SLC35F4: variants seen among roughly 807,000 people sequenced by gnomAD.
SLC35F4 encodes the protein solute carrier family 35 member F4.
In SLC35F4, 24 loss-of-function variants were observed where a neutral mutation model predicts 44.2. The ratio of observed to expected loss-of-function variants is 0.54; its 90% confidence interval spans 0.39 to 0.76. SLC35F4 has a LOEUF of 0.76. Ranked by LOEUF, SLC35F4 falls within the 30% of genes least tolerant of loss-of-function variation. The pLI is 0.00. For missense variants in SLC35F4, 562 were observed against 586.1 expected (o/e 0.96, Z 0.42); for synonymous variants, 238 against 223.6 (o/e 1.06, Z -0.57).
chr14:57,682,254 A>G (rs1223358820), intron 1 of SLC35F4, among the ~76,000 whole-genome samples: 47 of 152,230 alleles, frequency 3.1e-4, no homozygotes, highest in Non-Finnish European at 1.5e-5. Flanking sequence ...CCAAATGCCC[A>G]TCAATGATAG....
intron 4 of SLC35F4, chr14:57,580,441 C>T (rs2069163868): frequency 4.1e-6 from 1 of 245,210 alleles, no homozygotes; most frequent in Non-Finnish European, 8.3e-6. Context: ...ATTTATACCT[C>T]CTTCTAAAGA....
chr14:57,785,805 A>G (rs2077742105), intron 1 of SLC35F4, among the ~76,000 whole-genome samples: 1 of 152,152 alleles, frequency 6.6e-6, no homozygotes, highest in Admixed American at 6.6e-5. Context: ...CCTGCCTAGT[A>G]CCACAGGGAT....
intron 1 of SLC35F4, among the ~76,000 whole-genome samples, chr14:57,847,773 T>C (rs548851110): frequency 6.6e-6 from 1 of 152,280 alleles, no homozygotes; most frequent in East Asian, 1.9e-4. Context: ...AAGTAGCTTC[T>C]CACTGAGAGA....
chr14:57,818,575 C>T (rs548090962), intron 1 of SLC35F4, among the ~76,000 whole-genome samples: 35 of 152,266 alleles, frequency 2.3e-4, no homozygotes, highest in African/African-American at 8.2e-4. Context: ...TGGTGTGTTT[C>T]ATGGTGCTTC....
intron 1 of SLC35F4, among the ~76,000 whole-genome samples, chr14:57,757,122 T>A (rs1412093049): frequency 1.3e-5 from 2 of 152,250 alleles, no homozygotes; most frequent in East Asian, 3.8e-4. Flanking sequence ...CTTGTTGAAA[T>A]TGATCCCATT....
At chr14:57,635,559 AAC>A (rs2072984327) in intron 1 of SLC35F4, among the ~76,000 whole-genome samples, 1 of 152,082 alleles carries the variant, frequency 6.6e-6, no homozygotes, top group Admixed American at 6.6e-5. Flanking sequence ...GAGATCAGCT[AAC>A]ACACAGCACT....
intron 1 of SLC35F4, among the ~76,000 whole-genome samples, chr14:57,747,048 T>C (rs371222349): frequency 1.1e-4 from 16 of 152,270 alleles, no homozygotes; most frequent in African/African-American, 3.8e-4. Context: ...TTTAAAAATA[T>C]ACAGTATCCA....
At chr14:57,962,295 T>G (rs1324282060) in intron 1 of SLC35F4, among the ~76,000 whole-genome samples, 1 of 152,168 alleles carries the variant, frequency 6.6e-6, no homozygotes, top group Non-Finnish European at 1.5e-5. Context: ...GGGTGGTCTG[T>G]TGGAAAGGCA....
At chr14:57,734,422 G>T (rs575224826) in intron 1 of SLC35F4, among the ~76,000 whole-genome samples, 2 of 152,268 alleles carry the variant, frequency 1.3e-5, no homozygotes, top group South Asian at 2.1e-4. Flanking sequence ...CGCACAGAAA[G>T]ATATCAAAGT....
At chr14:57,758,159 G>A (rs908675189) in intron 1 of SLC35F4, among the ~76,000 whole-genome samples, 16 of 151,588 alleles carry the variant, frequency 1.1e-4, no homozygotes, top group African/African-American at 3.9e-4. Flanking sequence ...TTTTGTCTCT[G>A]GCTGCTTTTA....
chr14:57,928,807 A>G (rs1027392737), intron 1 of SLC35F4, among the ~76,000 whole-genome samples: 2 of 152,242 alleles, frequency 1.3e-5, no homozygotes, highest in Admixed American at 1.3e-4. Context: ...TGCTTCATCA[A>G]TTAAGAACAT....
At chr14:57,586,351 G>A (rs967653131) in intron 3 of SLC35F4, among the ~76,000 whole-genome samples, 23 of 152,162 alleles carry the variant, frequency 1.5e-4, no homozygotes, top group South Asian at 4.2e-4. Context: ...AGACTTAAAC[G>A]TAAGACCTAA....
Position 57,787,429 on chromosome 14 carries a change from C to T in SLC35F4, c.103+78294G>A, listed in dbSNP as rs902416949. 4.6e-5 allele frequency among the ~76,000 whole-genome samples: 7 copies of T among 152,016 alleles called. No homozygotes were observed. The South Asian group carries it at 1.0e-3, about 23-fold the overall frequency. On this transcript the variant is annotated intron_variant, in intron 1 of 7. Coordinates refer to ENST00000556826, the MANE Select transcript of SLC35F4 (RefSeq NM_001306087.2). Reference sequence around the variant, plus strand: ...CACAAAGAACACCTGGGAAATTCATCGTAAAAAGATTGCCTGATCACAATG... The same window carrying T: ...CACAAAGAACACCTGGGAAATTCATTGTAAAAAGATTGCCTGATCACAATG...
intron 1 of SLC35F4, among the ~76,000 whole-genome samples, chr14:57,683,726 C>T (rs998873124): frequency 3.3e-5 from 5 of 152,128 alleles, no homozygotes; most frequent in South Asian, 2.1e-4. Context: ...AGTTAAAAAA[C>T]GTCAGCCTAA....
intron 1 of SLC35F4, among the ~76,000 whole-genome samples, chr14:57,749,853 T>A (rs2076841717): frequency 6.6e-6 from 1 of 152,220 alleles, no homozygotes; most frequent in Admixed American, 6.5e-5. Context: ...TTCCCAAGTA[T>A]CTCACACATG....
chr14:57,574,392 A>G (rs570664506), intron 4 of SLC35F4, among the ~76,000 whole-genome samples: 7 of 152,316 alleles, frequency 4.6e-5, no homozygotes, highest in African/African-American at 7.2e-5. Context: ...GTCTCTTTCA[A>G]TTGCCTTCAC....
chr14:57,686,444 G>T lies in SLC35F4; in HGVS notation c.104-92320C>A, dbSNP rs138158334. The stretch of plus-strand genomic sequence containing the variant: ...AAAATCAAATTAGTGCAGCTGGGCC[G>T]ATTACCAAAAGCCATTAGAAGACTT... On this transcript the variant is annotated intron_variant, in intron 1 of 7. Coordinates refer to ENST00000556826, the MANE Select transcript of SLC35F4 (RefSeq NM_001306087.2). Among the ~76,000 whole-genome samples, 309 of 152,230 alleles carry T rather than the reference G, an allele frequency of 2.0e-3. 2 individuals carry two copies. The highest frequency in any genetic ancestry group is 7.1e-3 in the African/African-American group (296 of 41,544).
chr14:57,583,179 T>C (rs927539), intron 3 of SLC35F4, among the ~76,000 whole-genome samples: 93,925 of 151,550 alleles, frequency 0.62, 29,570 homozygotes, highest in East Asian at 0.87. Flanking sequence ...AACAGTCTCT[T>C]TGAAGCCCCA....
chr14:57,947,246 TTTTTG>T (rs1475298434), intron 1 of SLC35F4, among the ~76,000 whole-genome samples: 1 of 114,646 alleles, frequency 8.7e-6, no homozygotes, highest in Admixed American at 8.8e-5. Context: ...GGTGGTGGGT[TTTTTG>T]TTTTTTTTTT....
Sources: gnomAD v4.1 joint callset for allele counts (sites outside exome capture counted in the v4.1 genomes callset) on GRCh38, gnomAD v4.1.1 for gene constraint, MANE v1.5 for transcripts, NCBI Gene and HGNC (gene_info 2026-07-23, HGNC 2026-07-21) for gene names.